The following OTUD7B variants were observed in gnomAD, a reference collection of about 807,000 sequenced individuals.
OTUD7B encodes the protein OTU domain-containing protein 7B.
OTUD7B carries 34 observed loss-of-function variants against 82.2 expected under a neutral mutation model. That is an observed-to-expected ratio of 0.41 (90% confidence interval 0.31 to 0.55). The LOEUF (loss-of-function observed/expected upper bound fraction) is 0.55, where lower values mean the gene tolerates loss of function less well. OTUD7B is among the 20% of genes least tolerant of loss of function. The probability of loss-of-function intolerance (pLI) is 0.20; values close to 1 mark genes in which losing one functional copy is unlikely to be tolerated. For missense variants in OTUD7B, 944 were observed against 1,062.1 expected (o/e 0.89, Z 1.55); for synonymous variants, 398 against 402.7 (o/e 0.99, Z 0.14).
chr1:150,056,679 T>C, the OTUD7B span, among the ~76,000 whole-genome samples: 1 of 152,190 alleles, frequency 6.6e-6, no homozygotes, highest in Non-Finnish European at 1.5e-5. Flanking sequence ...TTAACCTCTA[T>C]ATTATATTTT....
At chr1:149,990,808 A>G (rs1388369421) in intron 1 of OTUD7B, among the ~76,000 whole-genome samples, 1 of 152,102 alleles carries the variant, frequency 6.6e-6, no homozygotes, top group Non-Finnish European at 1.5e-5. Flanking sequence ...CCAGCCTAAC[A>G]TAGTGAAACC....
At chr1:150,048,833 T>C in the OTUD7B span, among the ~76,000 whole-genome samples, 1 of 152,184 alleles carries the variant, frequency 6.6e-6, no homozygotes, top group Middle Eastern at 3.4e-3. Flanking sequence ...TTATTTTGTT[T>C]CATTAAAAAA....
chr1:150,046,834 G>C, the OTUD7B span, among the ~76,000 whole-genome samples: 3 of 151,808 alleles, frequency 2.0e-5, no homozygotes, highest in Non-Finnish European at 4.4e-5. Flanking sequence ...ACTTTGGGAG[G>C]CTGAGGCGGG....
intron 1 of OTUD7B, among the ~76,000 whole-genome samples, chr1:149,994,384 C>A (rs1413909337): frequency 6.6e-6 from 1 of 151,858 alleles, no homozygotes; most frequent in Non-Finnish European, 1.5e-5. Flanking sequence ...AGATCGAGAC[C>A]ATCCTGGCCA....
In OTUD7B at chr1:149,944,149, G is replaced by A. The variant is rs1167781597; in HGVS notation, c.2240C>T (p.Pro747Leu). The A allele has an allele frequency of 1.7e-5, 27 of 1,613,922 alleles. No homozygotes were observed. The highest frequency in any genetic ancestry group is 2.3e-5 in the Non-Finnish European group (27 of 1,179,962). Reference sequence around the variant, plus strand: ...AGAGTGGCTGCCTGGCTCCAGAGAAGGGATGCTGTCCTGGTGGGGGTAGGG... The same window carrying A: ...AGAGTGGCTGCCTGGCTCCAGAGAAAGGATGCTGTCCTGGTGGGGGTAGGG... ...GRPYPHQDSIPSLEPGSHSKD... is the reference protein window; with the variant it reads ...GRPYPHQDSILSLEPGSHSKD... The change falls in exon 12 of 12, where the codon CCT becomes CTT. Residue 747 changes from proline to leucine, a missense_variant. Around this residue, in one of 3 missense-constraint regions of OTUD7B, gnomAD observed 412 missense variants for 418.7 expected, o/e 0.98. Transcript: ENST00000581312.
At chr1:150,054,625 T>C in the OTUD7B span, 1 of 361,710 alleles carries the variant, frequency 2.8e-6, no homozygotes, top group Non-Finnish European at 5.4e-6. Context: ...ACGGCCAACA[T>C]GGTGAAATCC....
chr1:150,055,040 C>CTTTT, the OTUD7B span: 2 of 56,270 alleles, frequency 3.6e-5, no homozygotes, highest in Non-Finnish European at 6.5e-5. Flanking sequence ...TTCTAAATTT[C>CTTTT]CTTTTTTTTT....
rs1221748844 is a variant in OTUD7B at position 149,940,995 on chromosome 1, A to G, written c.*2862T>C. 2 of 152,062 alleles carry G rather than the reference A, an allele frequency of 1.3e-5. No homozygotes were observed. Among genetic ancestry groups the G allele is most frequent in the African/African-American group, 4.8e-5 (2 of 41,388 alleles). 9.4% of individuals were successfully genotyped at this position (152,062 alleles called of 1,614,324 possible). ...GGAGAGGTTTTTCAATGCCTCAATA[A>G]ATAGTTACCCTCCCAAATAAAAAAA... On this transcript the variant is annotated 3_prime_UTR_variant, in exon 12 of 12. Coordinates refer to ENST00000581312, the MANE Select transcript of OTUD7B (RefSeq NM_020205.4).
chr1:149,993,255 G>A (rs1651714623), intron 1 of OTUD7B, among the ~76,000 whole-genome samples: 1 of 152,210 alleles, frequency 6.6e-6, no homozygotes, highest in African/African-American at 2.4e-5. Flanking sequence ...CCCTGAGGAA[G>A]GCCCACCATC....
chr1:150,034,985 A>G, the OTUD7B span, among the ~76,000 whole-genome samples: 1 of 152,072 alleles, frequency 6.6e-6, no homozygotes, highest in Non-Finnish European at 1.5e-5. Context: ...TCAACTAAAA[A>G]TACAAAAAAT....
At chr1:149,958,598 G>A (rs932594555) in intron 7 of OTUD7B, among the ~76,000 whole-genome samples, 5 of 151,836 alleles carry the variant, frequency 3.3e-5, no homozygotes, top group Admixed American at 1.3e-4. Context: ...ACAGGCGTGA[G>A]CCACTGCGCC....
At chr1:149,980,379 G>A (rs996987037) in intron 1 of OTUD7B, among the ~76,000 whole-genome samples, 53 of 151,790 alleles carry the variant, frequency 3.5e-4, no homozygotes, top group African/African-American at 1.2e-3. Flanking sequence ...CTAATACCTT[G>A]CTTAAGCTTT....
chr1:150,005,154 T>C (rs1313271783), intron 1 of OTUD7B, among the ~76,000 whole-genome samples: 1 of 152,228 alleles, frequency 6.6e-6, no homozygotes, highest in Non-Finnish European at 1.5e-5. Context: ...TTTCACATTT[T>C]AAAATTTTGT....
chr1:149,963,648 A>T (rs1356673776), intron 6 of OTUD7B: 2 of 151,286 alleles, frequency 1.3e-5, no homozygotes, highest in South Asian at 4.2e-4. Context: ...TGCCTTATAT[A>T]ACAGCAGCCT....
At chr1:150,055,963 A>T in the OTUD7B span, among the ~76,000 whole-genome samples, 2 of 152,076 alleles carry the variant, frequency 1.3e-5, no homozygotes, top group Non-Finnish European at 2.9e-5. Flanking sequence ...TGGCTAAATA[A>T]TCTGTACAAC....
chr1:149,971,070 G>T lies in OTUD7B; in HGVS notation c.267C>A (p.Ile89=). Reference sequence around the variant, plus strand: ...TTCCAGTCACCCCAGTACCTTGAACGATGTCATCCTGCCGCTGGAGGATGG... The same window carrying T: ...TTCCAGTCACCCCAGTACCTTGAACTATGTCATCCTGCCGCTGGAGGATGG... The part of the protein sequence containing the change: ...PRPILQRQDD[I]VQEKRLSRGI... The change falls in exon 3 of 12, where the codon ATC becomes ATA. Residue 89 remains isoleucine (I), a synonymous_variant. Transcript: ENST00000581312. 6.2e-7 allele frequency: 1 copy of T among 1,604,762 alleles called. No individual in the cohort carries two copies. Among genetic ancestry groups the T allele is most frequent in the South Asian group, 1.1e-5 (1 of 90,300 alleles).
chr1:149,999,517 C>A (rs887682423), intron 1 of OTUD7B, among the ~76,000 whole-genome samples: 13 of 152,106 alleles, frequency 8.5e-5, no homozygotes, highest in Non-Finnish European at 1.3e-4. Context: ...TCAAGGGAGG[C>A]AAAAGCAGAT....
intron 11 of OTUD7B, among the ~76,000 whole-genome samples, chr1:149,946,137 C>T (rs1478372537): frequency 2.4e-4 from 36 of 150,286 alleles, no homozygotes; most frequent in African/African-American, 7.6e-4. Context: ...CCAGCACTTT[C>T]GGGGGCCAAG....
intron 11 of OTUD7B, among the ~76,000 whole-genome samples, chr1:149,946,218 C>T (rs2101724687): frequency 6.6e-6 from 1 of 151,574 alleles, no homozygotes; most frequent in African/African-American, 2.4e-5. Context: ...GAAAAATTAG[C>T]TGGACATGGT....
Sources: gnomAD v4.1 joint callset for allele counts (sites outside exome capture counted in the v4.1 genomes callset) on GRCh38, gnomAD v4.1.1 for gene constraint, gnomAD v4.1.1 regional missense constraint, MANE v1.5 for transcripts, NCBI Gene and HGNC (gene_info 2026-07-23, HGNC 2026-07-21) for gene names.